Variants in NBAS observed in about 807,000 individuals in gnomAD.
The protein encoded by NBAS is NAG/BC035112 fusion.
NBAS carries 219 observed loss-of-function variants against 302.5 expected under a neutral mutation model. The ratio of observed to expected loss-of-function variants is 0.72; its 90% confidence interval spans 0.65 to 0.81. The LOEUF is 0.81. Among genes scored for constraint, NBAS ranks in the 30% least tolerant of loss-of-function variants. NBAS has a pLI of 0.00. For synonymous variants in NBAS, 1,118 were observed against 1,021.6 expected, an observed-to-expected ratio of 1.09 and a Z score of -1.80; for missense variants, 2,932 against 2,841.6, an observed-to-expected ratio of 1.03 and a Z score of -0.72.
chr2:15,233,342 A>T (rs1667458574), intron 46 of NBAS, among the ~76,000 whole-genome samples: 1 of 152,212 alleles, frequency 6.6e-6, no homozygotes, highest in African/African-American at 2.4e-5. Flanking sequence ...GTAGAATTGG[A>T]TGCAGAAAAA....
the NBAS span, among the ~76,000 whole-genome samples, chr2:14,895,176 G>C: frequency 1.3e-5 from 2 of 152,144 alleles, no homozygotes; most frequent in Admixed American, 1.3e-4. Flanking sequence ...ATAAAGAGAG[G>C]GAAGGATCCA....
intron 25 of NBAS, among the ~76,000 whole-genome samples, chr2:15,410,271 G>C (rs1047958693): frequency 6.6e-6 from 1 of 152,106 alleles, no homozygotes; most frequent in Non-Finnish European, 1.5e-5. Context: ...CATGTAGAAA[G>C]TTTGTGAATT....
Position 15,225,506 on chromosome 2 carries a change from C to T in NBAS, c.6237-6538G>A, listed in dbSNP as rs368130019. Among the ~76,000 whole-genome samples the T allele has an allele frequency of 7.9e-5, 12 of 151,740 alleles. No individual in the cohort carries two copies. In the South Asian group the frequency reaches 1.2e-3, roughly 16 times the overall value. ...ATTTGCTCTAGGTGGGCCGTTCTTTCTTCTCTTTTATTTTTCCTCTCCTTT... is the reference window on the plus strand; with the variant it reads ...ATTTGCTCTAGGTGGGCCGTTCTTTTTTCTCTTTTATTTTTCCTCTCCTTT... On this transcript the variant is annotated intron_variant, in intron 47 of 51. Coordinates refer to ENST00000281513, the MANE Select transcript of NBAS (RefSeq NM_015909.4).
At chr2:14,983,620 T>TA in the NBAS span, among the ~76,000 whole-genome samples, 15 of 152,144 alleles carry the variant, frequency 9.9e-5, no homozygotes, top group Non-Finnish European at 1.8e-4. Flanking sequence ...GAAGAAAAGT[T>TA]AAAGCAATAG....
intron 47 of NBAS, among the ~76,000 whole-genome samples, chr2:15,229,347 CAAAAAAA>C (rs61152926): frequency 3.9e-5 from 3 of 76,870 alleles, no homozygotes; most frequent in Admixed American, 1.6e-4. Flanking sequence ...TCTCAAAAAA[CAAAAAAA>C]AAAAAAAAAA....
At chr2:15,137,452 T>C in the NBAS span, among the ~76,000 whole-genome samples, 1 of 152,078 alleles carries the variant, frequency 6.6e-6, no homozygotes, top group Non-Finnish European at 1.5e-5. Context: ...CATTCTATAA[T>C]CAAACAGAGC....
At chr2:15,394,725 G>A (rs1308100216) in intron 27 of NBAS, among the ~76,000 whole-genome samples, 1 of 151,878 alleles carries the variant, frequency 6.6e-6, no homozygotes, top group Non-Finnish European at 1.5e-5. Flanking sequence ...GCTGTTATAG[G>A]CAAGACTACT....
intron 11 of NBAS, among the ~76,000 whole-genome samples, chr2:15,496,379 T>C (rs1032479694): frequency 5.3e-5 from 8 of 152,172 alleles, no homozygotes; most frequent in Non-Finnish European, 1.0e-4. Context: ...TCCAGAGCGA[T>C]AAGATGTTTA....
chr2:15,038,814 T>A, the NBAS span, among the ~76,000 whole-genome samples: 1 of 152,186 alleles, frequency 6.6e-6, no homozygotes, highest in Non-Finnish European at 1.5e-5. Flanking sequence ...CCATGCTGCC[T>A]GGCCAGAGAG....
chr2:15,104,176 C>T, the NBAS span, among the ~76,000 whole-genome samples: 1 of 152,184 alleles, frequency 6.6e-6, no homozygotes, highest in African/African-American at 2.4e-5. Flanking sequence ...TTCCCCTGCA[C>T]AAGGTCTCTT....
chr2:15,560,666 A>G (rs938313157), intron 1 of NBAS, among the ~76,000 whole-genome samples: 2 of 151,986 alleles, frequency 1.3e-5, no homozygotes, highest in South Asian at 4.2e-4. Flanking sequence ...TCCAGCCCCC[A>G]GTATGGGTAA....
the NBAS span, among the ~76,000 whole-genome samples, chr2:15,118,383 A>T: frequency 0.14 from 20,685 of 152,200 alleles, 2,678 homozygotes; most frequent in African/African-American, 0.32. Context: ...CTGAAGAATA[A>T]GGGAAGGTGG....
At chr2:15,090,404 T>C in the NBAS span, among the ~76,000 whole-genome samples, 1 of 152,224 alleles carries the variant, frequency 6.6e-6, no homozygotes, top group African/African-American at 2.4e-5. Flanking sequence ...CAACCAGCGT[T>C]CATATTCTGG....
At chr2:14,806,171 A>G in the NBAS span, among the ~76,000 whole-genome samples, 1 of 152,122 alleles carries the variant, frequency 6.6e-6, no homozygotes, top group African/African-American at 2.4e-5. Flanking sequence ...TTCATTTCTA[A>G]CAAGTTCCCA....
chr2:15,201,487 T>TG, intron 48 of NBAS, among the ~76,000 whole-genome samples: 1 of 152,206 alleles, frequency 6.6e-6, no homozygotes, highest in Non-Finnish European at 1.5e-5. Flanking sequence ...TCATAAGCTG[T>TG]TGACTACCAA....
intron 48 of NBAS, among the ~76,000 whole-genome samples, chr2:15,204,182 C>A (rs897224337): frequency 1.3e-5 from 2 of 151,824 alleles, no homozygotes; most frequent in East Asian, 3.9e-4. Context: ...GATCCTTGAG[C>A]CAGGAGGATG....
At chr2:15,074,145 C>A in the NBAS span, among the ~76,000 whole-genome samples, 1 of 152,138 alleles carries the variant, frequency 6.6e-6, no homozygotes. Context: ...CTCAAACATA[C>A]ATTCAAGTCC....
the NBAS span, among the ~76,000 whole-genome samples, chr2:15,115,749 A>G: frequency 2.0e-5 from 3 of 152,034 alleles, no homozygotes; most frequent in Non-Finnish European, 4.4e-5. Context: ...CTGGACTCAC[A>G]TGATTCTTCT....
At chr2:15,106,440 T>C in the NBAS span, among the ~76,000 whole-genome samples, 1 of 75,542 alleles carries the variant, frequency 1.3e-5, no homozygotes, top group African/African-American at 4.0e-5. Flanking sequence ...TGTGCCTCTA[T>C]CTCTGTCTCT....
Sources: gnomAD v4.1 joint callset for allele counts (sites outside exome capture counted in the v4.1 genomes callset) on GRCh38, gnomAD v4.1.1 for gene constraint, MANE v1.5 for transcripts, NCBI Gene and HGNC (gene_info 2026-07-23, HGNC 2026-07-21) for gene names.